The following C19orf12 variants were observed in gnomAD, a reference collection of about 807,000 sequenced individuals.
C19orf12 encodes the protein chromosome 19 open reading frame 12, also known as protein C19orf12.
A neutral mutation model predicts 3.8 loss-of-function variants in C19orf12; 2 were observed. The ratio of observed to expected loss-of-function variants is 0.53; its 90% CI spans 0.22 to 1.66. C19orf12 has a LOEUF of 1.66. Among genes scored for constraint, C19orf12 ranks in the 40% most tolerant of loss-of-function variants. C19orf12 has a pLI of 0.20. For synonymous variants in C19orf12, 89 were observed against 84.6 expected (o/e 1.05, Z -0.28); for missense variants, 156 against 188.8 (o/e 0.83, Z 1.02).
intron 2 of C19orf12, among the ~76,000 whole-genome samples, chr19:29,708,026 C>T (rs928582968): frequency 5.3e-5 from 8 of 151,924 alleles, no homozygotes; most frequent in Non-Finnish European, 7.4e-5. Context: ...CACCAGACAC[C>T]CGCCACCACG....
chr19:29,702,366 ACCG>A lies in C19orf12; in HGVS notation c.*343_*345del, dbSNP rs1382520293. ...CGGGGGGAGGATGAAGTGTGGTCAGACCGTCGGCTGAGCGTGATCACTTCCCCA... is the reference window on the plus strand; with the variant it reads ...CGGGGGGAGGATGAAGTGTGGTCAGATCGGCTGAGCGTGATCACTTCCCCA... On this transcript the variant is annotated 3_prime_UTR_variant, in exon 3 of 3. Coordinates refer to ENST00000323670, the MANE Select transcript of C19orf12 (RefSeq NM_031448.6). 9 of 509,912 alleles carry A rather than the reference ACCG, an allele frequency of 1.8e-5. No individual in the cohort carries two copies. Among genetic ancestry groups the A allele is most frequent in the South Asian group, 1.4e-4 (9 of 64,968 alleles). 31.6% of individuals were successfully genotyped at this position (509,912 alleles called of 1,614,324 possible). A position where few individuals can be genotyped will look rare whatever the true frequency, so the allele number is the denominator to read the frequency against.
chr19:29,701,919 C>T lies in C19orf12; in HGVS notation c.*793G>A, dbSNP rs753197380. On this transcript the variant is annotated 3_prime_UTR_variant, in exon 3 of 3. Transcript: ENST00000323670. The stretch of plus-strand genomic sequence containing the variant: ...GATGCACTGGGAAACTAAAACAATG[C>T]GCTTCCTTGCTTTATTGTGATGTTG... The T allele has an allele frequency of 8.8e-5, 40 of 454,126 alleles. No homozygotes were observed. Among genetic ancestry groups the T allele is most frequent in the Non-Finnish European group, 1.5e-4 (33 of 226,804 alleles). The allele number at this position is 454,126 out of a possible 1,614,324, so 28.1% of individuals were successfully genotyped here. A position where few individuals can be genotyped will look rare whatever the true frequency, so the allele number is the denominator to read the frequency against.
At chr19:29,708,195 C>G in intron 2 of C19orf12, 59 bp downstream of exon 2, 1 of 1,598,726 alleles carries the variant, frequency 6.3e-7, no homozygotes, top group Non-Finnish European at 8.5e-7. Context: ...CCCTGTGTTT[C>G]AACGGCCCTT....
In C19orf12 at chr19:29,700,693, T is replaced by C. The variant is rs1298471132; in HGVS notation, c.*2019A>G. The C allele has an allele frequency of 6.6e-6, 3 of 454,108 alleles. No individual in the cohort carries two copies. The highest frequency in any genetic ancestry group is 1.3e-5 in the Non-Finnish European group (3 of 226,780). The allele number at this position is 454,108 out of a possible 1,614,324, so 28.1% of individuals were successfully genotyped here. ...TGTGGCCTGTGCTAGGGCACCTGAT[T>C]TGTGCTAGACGAGGCCAGCAGAAGA... On this transcript the variant is annotated 3_prime_UTR_variant, in exon 3 of 3. Transcript: ENST00000323670.
chr19:29,711,771 C>T (rs1972691052), intron 1 of C19orf12, among the ~76,000 whole-genome samples: 1 of 152,018 alleles, frequency 6.6e-6, no homozygotes, highest in African/African-American at 2.4e-5. Context: ...TACTGGCTTC[C>T]CCCCCCAAAA....
chr19:29,715,493 C>T, upstream of C19orf12: 1 of 342,572 alleles, frequency 2.9e-6, no homozygotes, highest in Non-Finnish European at 6.1e-6. Context: ...AACCGCAAGG[C>T]CGCGCTCCCG....
Position 29,701,032 on chromosome 19 carries a change from C to T in C19orf12, c.*1680G>A, listed in dbSNP as rs746815122. The T allele has an allele frequency of 4.4e-6, 2 of 454,164 alleles. No individual in the cohort carries two copies. The highest frequency in any genetic ancestry group is 3.1e-5 in the South Asian group (2 of 64,478). 28.1% of individuals were successfully genotyped at this position (454,164 alleles called of 1,614,324 possible). On this transcript the variant is annotated 3_prime_UTR_variant, in exon 3 of 3. Transcript: ENST00000323670. ...TTGGCCTCCAAAAGTGCCGACATTA[C>T]AAGCATGAGCCACCTCACCTGACCT... is the stretch of plus-strand genomic sequence containing the variant.
chr19:29,706,285 A>C (rs1043060911), intron 2 of C19orf12, among the ~76,000 whole-genome samples: 13 of 152,268 alleles, frequency 8.5e-5, no homozygotes, highest in South Asian at 4.1e-4. Flanking sequence ...AACCTTTATG[A>C]GAACATCAAT....
chr19:29,708,944 C>T (rs16963154), intron 1 of C19orf12, among the ~76,000 whole-genome samples: 23,114 of 152,190 alleles, frequency 0.15, 3,077 homozygotes, highest in African/African-American at 0.36. Context: ...CCTTCTAAGA[C>T]GGAGACAGTC....
intron 1 of C19orf12, among the ~76,000 whole-genome samples, chr19:29,713,984 T>TTCTCTG (rs1474055940): frequency 6.6e-6 from 1 of 151,822 alleles, no homozygotes; most frequent in Admixed American, 6.6e-5. Flanking sequence ...CCTTTTCTCT[T>TTCTCTG]TCTCTTTCGT....
rs1011105625 is a variant in C19orf12 at position 29,700,701 on chromosome 19, G to A, written c.*2011C>T. 4.4e-6 allele frequency: 2 copies of A among 454,020 alleles called. No homozygotes were observed. Among genetic ancestry groups the A allele is most frequent in the African/African-American group, 4.0e-5 (2 of 50,008 alleles). The allele number at this position is 454,020 out of a possible 1,614,324, so 28.1% of individuals were successfully genotyped here. On this transcript the variant is annotated 3_prime_UTR_variant, in exon 3 of 3. Transcript: ENST00000323670. ...GTGCTAGGGCACCTGATTTGTGCTA[G>A]ACGAGGCCAGCAGAAGAGCAATCGC...
At chr19:29,703,119 C>A (rs2145623775) in intron 2 of C19orf12, 142 bp from the exon 3 acceptor site, 1 of 1,087,464 alleles carries the variant, frequency 9.2e-7, no homozygotes, top group Admixed American at 2.0e-5. Flanking sequence ...GGTGCCACGC[C>A]TGCTCCGCCA....
intron 2 of C19orf12, among the ~76,000 whole-genome samples, chr19:29,705,975 C>T (rs1172944201): frequency 5.9e-5 from 9 of 152,164 alleles, no homozygotes; most frequent in Non-Finnish European, 1.3e-4. Flanking sequence ...AAATGCAACC[C>T]AGGCCAGAGA....
At chr19:29,715,270 C>T (rs1396690651), upstream of C19orf12, 1 of 399,100 alleles carries the variant, frequency 2.5e-6, no homozygotes, top group Non-Finnish European at 4.8e-6. Context: ...CTGGCCCCGC[C>T]CTCCGTCCCA....
chr19:29,709,529 CTTTTT>C (rs10562051), intron 1 of C19orf12, among the ~76,000 whole-genome samples: 6 of 131,892 alleles, frequency 4.5e-5, no homozygotes, highest in African/African-American at 8.9e-5. Flanking sequence ...TGCTTATTAT[CTTTTT>C]TTTTTTTTTT....
chr19:29,715,487 G>T (rs1972915063), upstream of C19orf12: 1 of 356,486 alleles, frequency 2.8e-6, no homozygotes, highest in East Asian at 1.3e-4. Context: ...CCTGGGAACC[G>T]CAAGGCCGCG....
At chr19:29,708,539 C>T (rs757131735) in intron 1 of C19orf12, 116 bp from the exon 2 acceptor site, 59 of 1,322,784 alleles carry the variant, frequency 4.5e-5, no homozygotes, top group Non-Finnish European at 5.9e-5. Context: ...GAAAGCTCAG[C>T]AGCTCCAAGC....
In C19orf12 at chr19:29,702,950, G is replaced by A. The variant is rs768768029; in HGVS notation, c.188C>T (p.Ala63Val). Reference protein sequence around the residue: ...VGGAVGGLLGAWMTSGQFKPV... With the variant: ...VGGAVGGLLGVWMTSGQFKPV... ...CTTAAACTGTCCACTTGTCATCCAG[G>A]CACCTAACAGCCCCCCGACAGCCCC... Residue 63 changes from alanine (A) to valine (V), a missense_variant, in exon 3 of 3, where the codon GCC becomes GTC. By Grantham distance (64) the Ala-to-Val change is moderately conservative. Transcript: ENST00000323670. The A allele has an allele frequency of 5.6e-6, 9 of 1,614,146 alleles. No individual in the cohort carries two copies. Among genetic ancestry groups the A allele is most frequent in the South Asian group, 5.5e-5 (5 of 91,090 alleles).
At chr19:29,707,818 C>A (rs1972454535) in intron 2 of C19orf12, among the ~76,000 whole-genome samples, 1 of 152,062 alleles carries the variant, frequency 6.6e-6, no homozygotes, top group Non-Finnish European at 1.5e-5. Context: ...AGACGCATGG[C>A]ACCACTTGTA....
Sources: gnomAD v4.1 joint callset for allele counts (sites outside exome capture counted in the v4.1 genomes callset) on GRCh38, gnomAD v4.1.1 for gene constraint, MANE v1.5 for transcripts, NCBI Gene and HGNC (gene_info 2026-07-23, HGNC 2026-07-21) for gene names.